Variants in NRXN3 observed in about 807,000 individuals in gnomAD.
NRXN3 encodes neurexin III.
In NRXN3, 32 loss-of-function variants were observed where a neutral mutation model predicts 137.6. The ratio of observed to expected loss-of-function variants is 0.23; its 90% CI spans 0.18 to 0.31. NRXN3 has a LOEUF of 0.31. NRXN3 is among the 10% of genes least tolerant of loss of function. The probability of loss-of-function intolerance (pLI) is 1.00; values close to 1 mark genes in which losing one functional copy is unlikely to be tolerated. For synonymous variants in NRXN3, 798 were observed against 784.5 expected (o/e 1.02, Z -0.29); for missense variants, 1,574 against 2,062.5 (o/e 0.76, Z 4.59).
At chr14:79,696,454 GTCTT>G (rs1281683968) in intron 18 of NRXN3, among the ~76,000 whole-genome samples, 2 of 151,858 alleles carry the variant, frequency 1.3e-5, no homozygotes, top group African/African-American at 2.4e-5. Context: ...CCATTAATAA[GTCTT>G]TCTTTTTTCC....
chr14:79,091,947 C>T (rs766055067), intron 15 of NRXN3, among the ~76,000 whole-genome samples: 7 of 151,952 alleles, frequency 4.6e-5, no homozygotes, highest in African/African-American at 7.3e-5. Flanking sequence ...TAAACCAACA[C>T]GTAGAACTGA....
chr14:78,749,856 C>T (rs1002405707), intron 8 of NRXN3, among the ~76,000 whole-genome samples: 1 of 152,194 alleles, frequency 6.6e-6, no homozygotes, highest in African/African-American at 2.4e-5. Flanking sequence ...TGTTCTTGTT[C>T]TAGTAAGTGG....
At chr14:79,470,897 AG>A (rs1471840819) in intron 16 of NRXN3, among the ~76,000 whole-genome samples, 5 of 142,448 alleles carry the variant, frequency 3.5e-5, no homozygotes, top group African/African-American at 1.5e-4. Context: ...AAAGAGAGAG[AG>A]AGAGTGTGTG....
intron 19 of NRXN3, among the ~76,000 whole-genome samples, chr14:79,706,326 A>AACTT (rs2098778869): frequency 6.6e-6 from 1 of 152,058 alleles, no homozygotes; most frequent in Non-Finnish European, 1.5e-5. Flanking sequence ...CTTTCCAAAT[A>AACTT]ACTTAATCCT....
At chr14:79,437,530 A>G (rs554889121) in intron 15 of NRXN3, among the ~76,000 whole-genome samples, 27 of 152,292 alleles carry the variant, frequency 1.8e-4, no homozygotes, top group Middle Eastern at 3.4e-3. Flanking sequence ...CAGGTAACCA[A>G]TGCAGCCATG....
At position 79,637,561 on chromosome 14, in the gene NRXN3, G is replaced by A. The variant is rs72696779; in HGVS notation, c.3445-26217G>A. 9.2e-3 allele frequency among the ~76,000 whole-genome samples: 1,404 copies of A among 152,134 alleles called. 12 individuals are homozygous for A. The highest frequency in any genetic ancestry group is 0.044 in the South Asian group (214 of 4,814). On this transcript the variant is annotated intron_variant, in intron 16 of 20. Coordinates refer to ENST00000335750, the MANE Select transcript of NRXN3 (RefSeq NM_001330195.2). ...GGTGGAGGTCCTCAATCACTGCAGA[G>A]AAGACTGTTGTGGGAATGACAGCAA...
At chr14:78,423,814 G>T (rs552575173) in intron 4 of NRXN3, among the ~76,000 whole-genome samples, 1 of 152,338 alleles carries the variant, frequency 6.6e-6, no homozygotes, top group Non-Finnish European at 1.5e-5. Flanking sequence ...TAGCAGTCCA[G>T]TTAGGGACTA....
intron 15 of NRXN3, among the ~76,000 whole-genome samples, chr14:79,257,565 G>GTGGTGGTGA (rs2076934862): frequency 4.5e-5 from 4 of 88,578 alleles, no homozygotes; most frequent in South Asian, 3.9e-4. Context: ...GGTGATGGTG[G>GTGGTGGTGA]TGGTGGTGGT....
At chr14:78,181,243 ACGGG>A (rs1348893381) in intron 1 of NRXN3, among the ~76,000 whole-genome samples, 2 of 152,220 alleles carry the variant, frequency 1.3e-5, no homozygotes, top group Non-Finnish European at 2.9e-5. Flanking sequence ...TTTTTACAAA[ACGGG>A]TGTCTGCAGG....
At chr14:78,427,730 G>T (rs1475489152) in intron 4 of NRXN3, among the ~76,000 whole-genome samples, 4 of 152,150 alleles carry the variant, frequency 2.6e-5, no homozygotes, top group Non-Finnish European at 1.5e-5. Context: ...AAGAAAAAAT[G>T]CCTCTAGTCT....
intron 3 of NRXN3, chr14:78,283,174 T>TAGG (rs1266454532): frequency 2.0e-5 from 3 of 152,250 alleles, no homozygotes; most frequent in Non-Finnish European, 4.4e-5. Flanking sequence ...GGAACGAGAA[T>TAGG]GAACACTTAC....
chr14:79,727,940 A>C (rs1325995465), intron 19 of NRXN3, among the ~76,000 whole-genome samples: 1 of 152,150 alleles, frequency 6.6e-6, no homozygotes, highest in Admixed American at 6.5e-5. Context: ...AATTCATTTC[A>C]CATGTGTGCA....
chr14:79,140,039 A>T (rs1241410176), intron 15 of NRXN3, among the ~76,000 whole-genome samples: 1 of 151,896 alleles, frequency 6.6e-6, no homozygotes, highest in Admixed American at 6.6e-5. Flanking sequence ...TATTTTGTTC[A>T]TTTGGAACGC....
intron 10 of NRXN3, among the ~76,000 whole-genome samples, chr14:78,863,448 T>C (rs926197169): frequency 2.6e-5 from 4 of 152,086 alleles, no homozygotes; most frequent in African/African-American, 9.7e-5. Context: ...TCCCTACCCA[T>C]ACTGCCTGCT....
intron 16 of NRXN3, among the ~76,000 whole-genome samples, chr14:79,649,293 G>T (rs534659863): frequency 6.6e-6 from 1 of 152,104 alleles, no homozygotes; most frequent in Non-Finnish European, 1.5e-5. Context: ...GCCAGGATCC[G>T]GGGTAAGTGC....
At chr14:79,375,843 A>G (rs1374391764) in intron 15 of NRXN3, among the ~76,000 whole-genome samples, 1 of 151,968 alleles carries the variant, frequency 6.6e-6, no homozygotes, top group Non-Finnish European at 1.5e-5. Flanking sequence ...CTTGGTTGAG[A>G]TGAAATTTGA....
chr14:79,825,209 T>TTTC (rs1421171523), intron 20 of NRXN3, among the ~76,000 whole-genome samples: 1 of 147,360 alleles, frequency 6.8e-6, no homozygotes, highest in Admixed American at 6.8e-5. Flanking sequence ...TTGTGTGCTT[T>TTTC]TTTTTTTTTT....
chr14:78,986,007 T>C (rs1166568437), intron 14 of NRXN3, among the ~76,000 whole-genome samples: 4 of 152,188 alleles, frequency 2.6e-5, no homozygotes, highest in Non-Finnish European at 5.9e-5. Context: ...CCTCATAGCA[T>C]TGTCTTATGA....
intron 15 of NRXN3, among the ~76,000 whole-genome samples, chr14:79,376,196 GT>G (rs1352772332): frequency 6.5e-4 from 28 of 43,262 alleles, no homozygotes; most frequent in Admixed American, 3.3e-3. Context: ...ATACATGTGG[GT>G]GTGTGTGTGT....
Sources: gnomAD v4.1 joint callset for allele counts (sites outside exome capture counted in the v4.1 genomes callset) on GRCh38, gnomAD v4.1.1 for gene constraint, MANE v1.5 for transcripts, NCBI Gene and HGNC (gene_info 2026-07-23, HGNC 2026-07-21) for gene names.